The following PAK2 variants were observed in gnomAD, a reference collection of about 807,000 sequenced individuals.
PAK2 encodes the protein p21 (RAC1) activated kinase 2, also known as serine/threonine-protein kinase PAK 2.
A neutral mutation model predicts 65.9 loss-of-function variants in PAK2; 21 were observed. The ratio of observed to expected loss-of-function variants is 0.32; its 90% CI spans 0.23 to 0.46. The LOEUF is 0.46. PAK2 is among the 20% of genes least tolerant of loss of function. The pLI, the probability that PAK2 is intolerant of heterozygous loss-of-function variation, is 1.00. For missense variants in PAK2, 324 were observed against 642.6 expected (o/e 0.50, Z 5.36); for synonymous variants, 204 against 219.7 (o/e 0.93, Z 0.63).
intron 1 of PAK2, among the ~76,000 whole-genome samples, chr3:196,755,078 A>G (rs972660586): frequency 1.4e-4 from 21 of 152,206 alleles, no homozygotes; most frequent in Non-Finnish European, 7.3e-5. Context: ...GAAATCCTTC[A>G]AAGATCTCAT....
chr3:196,777,166 AT>A (rs1714561983), intron 1 of PAK2, among the ~76,000 whole-genome samples: 1 of 152,126 alleles, frequency 6.6e-6, no homozygotes, highest in South Asian at 2.1e-4. Flanking sequence ...GTTTGTTGTT[AT>A]TTTTAAATGA....
intron 5 of PAK2, 22 bp downstream of exon 5, chr3:196,805,405 T>C: frequency 8.5e-7 from 1 of 1,171,416 alleles, no homozygotes; most frequent in Non-Finnish European, 1.2e-6. Flanking sequence ...ATATTATTTC[T>C]TGTATCTCTT....
intron 14 of PAK2, among the ~76,000 whole-genome samples, chr3:196,828,038 C>G (rs967612216): frequency 6.8e-6 from 1 of 146,548 alleles, no homozygotes; most frequent in East Asian, 2.0e-4. Flanking sequence ...GTTTGTGCAT[C>G]GTATCAATCC....
intron 2 of PAK2, among the ~76,000 whole-genome samples, chr3:196,787,376 C>G (rs1316293624): frequency 6.6e-6 from 1 of 151,748 alleles, no homozygotes; most frequent in Admixed American, 6.6e-5. Flanking sequence ...GTCAGGAGAG[C>G]GAGACCATCC....
intron 13 of PAK2, among the ~76,000 whole-genome samples, chr3:196,824,845 T>A (rs1464232650): frequency 6.6e-6 from 1 of 151,436 alleles, no homozygotes; most frequent in African/African-American, 2.4e-5. Flanking sequence ...GACTGTGTAA[T>A]GTAATACAGA....
chr3:196,787,445 G>GGT (rs1714927073), intron 2 of PAK2, among the ~76,000 whole-genome samples: 1 of 152,048 alleles, frequency 6.6e-6, no homozygotes. Flanking sequence ...CAGGCATGGT[G>GGT]GCAGGTGCCT....
intron 2 of PAK2, among the ~76,000 whole-genome samples, chr3:196,800,817 T>G (rs2108755110): frequency 6.6e-6 from 1 of 152,276 alleles, no homozygotes; most frequent in East Asian, 1.9e-4. Context: ...AGTGAAGAAC[T>G]ATCACTAAAG....
chr3:196,766,138 G>A (rs1018717048), intron 1 of PAK2, among the ~76,000 whole-genome samples: 3 of 151,854 alleles, frequency 2.0e-5, no homozygotes, highest in Non-Finnish European at 2.9e-5. Flanking sequence ...CTCATGATCC[G>A]CCCGCCTCGA....
At chr3:196,808,259 G>C (rs1047028159) in intron 7 of PAK2, among the ~76,000 whole-genome samples, 2 of 152,042 alleles carry the variant, frequency 1.3e-5, no homozygotes, top group African/African-American at 4.8e-5. Context: ...GGAGGTTGCA[G>C]TGAGCCAAGA....
intron 1 of PAK2, among the ~76,000 whole-genome samples, chr3:196,771,828 G>C (rs1243477299): frequency 6.6e-6 from 1 of 152,114 alleles, no homozygotes; most frequent in African/African-American, 2.4e-5. Context: ...AAAGTGCTGG[G>C]ATTACAGGCG....
At chr3:196,784,164 C>T (rs1714805203) in intron 2 of PAK2, among the ~76,000 whole-genome samples, 1 of 151,476 alleles carries the variant, frequency 6.6e-6, no homozygotes, top group African/African-American at 2.4e-5. Flanking sequence ...AATCAGCAAT[C>T]AGCATCTTTA....
rs567046783 is a variant in PAK2, at chr3:196,806,725, G to T, written c.576+39G>T. The T allele has an allele frequency of 3.4e-6, 4 of 1,177,756 alleles. No homozygotes were observed. In the African/African-American group the frequency reaches 6.0e-5, roughly 18 times the overall value. The allele number at this position is 1,177,756 out of a possible 1,614,324, so 73.0% of individuals were successfully genotyped here. A position where few individuals can be genotyped will look rare whatever the true frequency, so the allele number is the denominator to read the frequency against. On this transcript the variant is annotated intron_variant, in intron 6 of 14. Coordinates refer to ENST00000327134, the MANE Select transcript of PAK2 (RefSeq NM_002577.4). ...GGTGATCTAGGCTGTGTGTGTGCAC[G>T]TGTGTTTTAAAAAATAGCAGAGTTT...
intron 2 of PAK2, among the ~76,000 whole-genome samples, chr3:196,797,931 A>G (rs1715308409): frequency 6.6e-6 from 1 of 152,220 alleles, no homozygotes; most frequent in South Asian, 2.1e-4. Context: ...AATTCAAAAC[A>G]TCAATATTTG....
intron 1 of PAK2, among the ~76,000 whole-genome samples, chr3:196,766,931 CGTGTGTGTGTGT>C (rs60929724): frequency 5.1e-4 from 69 of 134,406 alleles, no homozygotes; most frequent in Middle Eastern, 3.7e-3. Flanking sequence ...AAGTACACCC[CGTGTGTGTGTGT>C]GTGTGTGTGT....
intron 2 of PAK2, among the ~76,000 whole-genome samples, chr3:196,792,832 C>T (rs750897571): frequency 6.6e-5 from 10 of 151,400 alleles, no homozygotes; most frequent in South Asian, 6.3e-4. Context: ...CACACACACA[C>T]GGTCAAAGAG....
chr3:196,807,967 A>G, intron 7 of PAK2, 53 bp downstream of exon 7: 3 of 1,550,954 alleles, frequency 1.9e-6, no homozygotes, highest in South Asian at 1.2e-5. Context: ...CTCTTAAAAC[A>G]TTTGGCCCAG....
At chr3:196,760,042 AAC>A (rs1176349701) in intron 1 of PAK2, among the ~76,000 whole-genome samples, 1 of 152,114 alleles carries the variant, frequency 6.6e-6, no homozygotes, top group Non-Finnish European at 1.5e-5. Context: ...TCTTTCATTT[AAC>A]ACAGTGTTTT....
chr3:196,809,586 G>A (rs1452173949), intron 7 of PAK2, among the ~76,000 whole-genome samples: 1 of 150,024 alleles, frequency 6.7e-6, no homozygotes, highest in Non-Finnish European at 1.5e-5. Context: ...TCAGGCATGA[G>A]TCACCACACC....
intron 1 of PAK2, among the ~76,000 whole-genome samples, chr3:196,758,096 A>G (rs1357287): frequency 0.44 from 67,548 of 152,130 alleles, 15,799 homozygotes; most frequent in Non-Finnish European, 0.53. Flanking sequence ...CATTCAAGAA[A>G]TAATGACTCA....
Sources: allele counts gnomAD v4.1 joint callset (sites outside exome capture counted in the v4.1 genomes callset), GRCh38; gene constraint gnomAD v4.1.1; transcripts MANE v1.5; gene names NCBI Gene and HGNC (gene_info 2026-07-23, HGNC 2026-07-21).